Variants in SSRP1 observed in about 807,000 individuals in gnomAD.
SSRP1 encodes structure specific recognition protein 1.
SSRP1 carries 21 observed loss-of-function variants against 84.4 expected under a neutral mutation model. The observed-to-expected ratio is 0.25, with a 90% confidence interval of 0.18 to 0.36. The LOEUF is 0.36. Among genes scored for constraint, SSRP1 ranks in the 10% least tolerant of loss-of-function variants. The probability of loss-of-function intolerance (pLI) is 1.00; values close to 1 mark genes in which losing one functional copy is unlikely to be tolerated. For synonymous variants in SSRP1, 319 were observed against 318.3 expected (o/e 1.00, Z -0.02); for missense variants, 519 against 900.8 (o/e 0.58, Z 5.43).
At chr11:57,327,368 T>TA (rs879223950) in intron 15 of SSRP1, 58 bp downstream of exon 15, 21,442 of 1,261,212 alleles carry the variant, frequency 0.017, 30 homozygotes, top group African/African-American at 0.046. Context: ...TTCGGCCTGT[T>TA]AAAAAAAAAA....
In SSRP1 at chr11:57,332,022, G is replaced by T; in HGVS notation, c.1001+130C>A. On this transcript the variant is annotated intron_variant, in intron 8 of 16. Transcript: ENST00000278412. This position sits in a 1 kb window ranked among gnomAD's most constrained non-coding sequence, Gnocchi z 5.5. ...CTGAGCTGTTCTGACAGAGGCGCTG[G>T]CACCTATTGTGACACAAGGTCCCAT... The T allele has an allele frequency of 6.5e-7, 1 of 1,529,506 alleles. No individual in the cohort carries two copies. The allele number at this position is 1,529,506 out of a possible 1,614,324, so 94.7% of individuals were successfully genotyped here. A position where few individuals can be genotyped will look rare whatever the true frequency, so the allele number is the denominator to read the frequency against.
chr11:57,327,168 A>G (rs1396812426), intron 15 of SSRP1: 2 of 659,708 alleles, frequency 3.0e-6, no homozygotes, highest in East Asian at 2.7e-5. Flanking sequence ...ACTGCACTCC[A>G]TAATAGTATT....
chr11:57,330,539 G>A lies in SSRP1; in HGVS notation c.1297-110C>T. The A allele has an allele frequency of 6.6e-7, 1 of 1,511,766 alleles. No homozygotes were observed. Among genetic ancestry groups the A allele is most frequent in the Non-Finnish European group, 8.9e-7 (1 of 1,129,114 alleles). The allele number at this position is 1,511,766 out of a possible 1,614,324, so 93.6% of individuals were successfully genotyped here. On this transcript the variant is annotated intron_variant, in intron 10 of 16. Transcript: ENST00000278412. This position sits in a 1 kb window ranked among gnomAD's most constrained non-coding sequence, Gnocchi z 4.0. Reference sequence around the variant, plus strand: ...CAAGTCAGAGCAGCAGCTCCCAGAAGACCTGGGGCTGGATTGTCCACACAC... The same window carrying A: ...CAAGTCAGAGCAGCAGCTCCCAGAAAACCTGGGGCTGGATTGTCCACACAC...
chr11:57,328,558 A>T, intron 12 of SSRP1, 132 bp from the exon 13 acceptor site: 1 of 1,289,068 alleles, frequency 7.8e-7, no homozygotes, highest in Non-Finnish European at 1.0e-6. Flanking sequence ...GACAGTATCC[A>T]CCACCAATCC....
intron 12 of SSRP1, chr11:57,329,643 C>A: frequency 5.3e-6 from 1 of 190,378 alleles, no homozygotes; most frequent in Non-Finnish European, 1.1e-5. Flanking sequence ...TATGAAATTC[C>A]CTTTTATATG....
chr11:57,327,258 G>GT, intron 15 of SSRP1, 168 bp downstream of exon 15: 1 of 744,116 alleles, frequency 1.3e-6, no homozygotes, highest in Non-Finnish European at 2.3e-6. Flanking sequence ...ATGCCCTATT[G>GT]TGTCACCCAT....
At position 57,335,090 on chromosome 11, in the gene SSRP1, T is replaced by C. The variant is rs373402679; in HGVS notation, c.32A>G (p.Tyr11Cys). ...CACCATGGAACCTTTCACCTCCTGA[T>C]AGACGTCGTTGAACTCCAGTGTCTC... is the stretch of plus-strand genomic sequence containing the variant. MAETLEFNDV[Y>C]QEVKGSMNDG... The change falls in exon 2 of 17, where the codon TAT (tyrosine) becomes TGT (cysteine). Residue 11 changes from tyrosine to cysteine, a missense_variant. Transcript: ENST00000278412. The surrounding 1 kb of genome is among the most constrained non-coding windows in gnomAD (Gnocchi z 4.6). 58 of 1,613,980 alleles carry C rather than the reference T, an allele frequency of 3.6e-5. No homozygotes were observed. Among genetic ancestry groups the C allele is most frequent in the Non-Finnish European group, 4.5e-5 (53 of 1,179,986 alleles).
Position 57,327,796 on chromosome 11 carries a change from C to T in SSRP1, c.1698G>A (p.Lys566=). ...TGATGCTGATGCCAGGATGGTCTGA[C>T]TTGATCTTCTCTCGGCTGGCATTGA... ...LWLNASREKI[K]SDHPGISITD... is the part of the protein sequence containing the mutation. The change falls in exon 14 of 17, where the codon AAG becomes AAA. Residue 566 remains lysine (K), a synonymous_variant. Transcript: ENST00000278412. 1.2e-6 allele frequency: 2 copies of T among 1,614,182 alleles called. No individual in the cohort carries two copies. Among genetic ancestry groups the T allele is most frequent in the South Asian group, 2.2e-5 (2 of 91,088 alleles).
chr11:57,333,368 A>G (rs1856135595), intron 4 of SSRP1, 67 bp downstream of exon 4: 5 of 1,416,628 alleles, frequency 3.5e-6, no homozygotes, highest in South Asian at 1.2e-5. Flanking sequence ...AAAGAGCAAA[A>G]CAAGTAAAAG....
chr11:57,326,396 T>C lies in SSRP1; in HGVS notation c.*11A>G, dbSNP rs113388867. On this transcript the variant is annotated 3_prime_UTR_variant, in exon 17 of 17. Coordinates refer to ENST00000278412, the MANE Select transcript of SSRP1 (RefSeq NM_003146.3). Reference sequence around the variant, plus strand: ...TGAGAAGGCAAGCGCAAAGAGAACCTTCCTCCGTTTCTACTCATCGGATCC... The same window carrying C: ...TGAGAAGGCAAGCGCAAAGAGAACCCTCCTCCGTTTCTACTCATCGGATCC... 9.3e-4 allele frequency: 1,500 copies of C among 1,613,914 alleles called. 5 individuals carry two copies. The highest frequency in any genetic ancestry group is 1.1e-3 in the Non-Finnish European group (1,355 of 1,179,904).
chr11:57,326,217 G>A lies in SSRP1; in HGVS notation c.*190C>T, dbSNP rs1489188086. The A allele has an allele frequency of 9.8e-6, 6 of 612,868 alleles. No homozygotes were observed. In the Middle Eastern group the frequency reaches 8.9e-4, roughly 91 times the overall value. 38.0% of individuals were successfully genotyped at this position (612,868 alleles called of 1,614,324 possible). ...CCTATCTCTCCCCAAATTATAAACA[G>A]CCATCCTTGGGAAGCAGCAGAGTTA... On this transcript the variant is annotated 3_prime_UTR_variant, in exon 17 of 17. Transcript: ENST00000278412.
chr11:57,335,305 C>G lies in SSRP1; in HGVS notation c.-119-65G>C. Reference sequence around the variant, plus strand: ...ACCTCGCTGTGCTCACGGATGGAGCCAGGTAGCAACTCCCAGCTGCGCCTG... The same window carrying G: ...ACCTCGCTGTGCTCACGGATGGAGCGAGGTAGCAACTCCCAGCTGCGCCTG... On this transcript the variant is annotated intron_variant, in intron 1 of 16. Coordinates refer to ENST00000278412, the MANE Select transcript of SSRP1 (RefSeq NM_003146.3). This position sits in a 1 kb window ranked among gnomAD's most constrained non-coding sequence, Gnocchi z 4.6. 2 of 631,772 alleles carry G rather than the reference C, an allele frequency of 3.2e-6. No individual in the cohort carries two copies. Among genetic ancestry groups the G allele is most frequent in the Non-Finnish European group, 5.7e-6 (2 of 350,796 alleles). The allele number at this position is 631,772 out of a possible 1,614,324, so 39.1% of individuals were successfully genotyped here.
intron 12 of SSRP1, chr11:57,329,523 T>TG (rs1399880060): frequency 1.9e-5 from 3 of 160,976 alleles, no homozygotes; most frequent in Admixed American, 5.8e-5. Flanking sequence ...GGGCACCCCA[T>TG]GGGGTAAACC....
intron 2 of SSRP1, 143 bp from the exon 3 acceptor site, chr11:57,334,791 C>CTGGTT: frequency 2.9e-6 from 3 of 1,033,206 alleles, no homozygotes; most frequent in Non-Finnish European, 4.2e-6. Flanking sequence ...GCCAAGGAGT[C>CTGGTT]TAGATTCTAA....
chr11:57,332,412 C>G lies in SSRP1; in HGVS notation c.843G>C (p.Glu281Asp). ...HFLILLFSKD[E>D]DISLTLNMNE... ...TCATGTTCAGAGTCAACGAAATGTC[C>G]TCGTCCTTGGAGAAGAGGAGGATCA... Residue 281 changes from glutamate to aspartate, a missense_variant, in exon 7 of 17, where the codon GAG becomes GAC. Around this residue, in one of 7 missense-constraint regions of SSRP1, gnomAD observed 159 missense variants for 359.0 expected, o/e 0.44. Coordinates refer to ENST00000278412, the MANE Select transcript of SSRP1 (RefSeq NM_003146.3). The surrounding 1 kb of genome is among the most constrained non-coding windows in gnomAD (Gnocchi z 5.5). The G allele has an allele frequency of 1.2e-6, 2 of 1,614,132 alleles. No individual in the cohort carries two copies. The highest frequency in any genetic ancestry group is 1.7e-6 in the Non-Finnish European group (2 of 1,180,030).
intron 15 of SSRP1, 80 bp downstream of exon 15, chr11:57,327,346 C>T: frequency 7.0e-7 from 1 of 1,419,426 alleles, no homozygotes; most frequent in African/African-American, 1.4e-5. Context: ...CTTTAACTTT[C>T]CAATGCTCAA....
Position 57,335,242 on chromosome 11 carries a change from T to C in SSRP1, c.-119-2A>G. 1.0e-6 allele frequency: 1 copy of C among 998,278 alleles called. No individual in the cohort carries two copies. Among genetic ancestry groups the C allele is most frequent in the Non-Finnish European group, 1.6e-6 (1 of 629,970 alleles). 61.8% of individuals were successfully genotyped at this position (998,278 alleles called of 1,614,324 possible). A position where few individuals can be genotyped will look rare whatever the true frequency, so the allele number is the denominator to read the frequency against. ...GCGGATGCTCAGCAGGTTGGGAATC[T>C]GAATTCAAGAGGAAGACAGATAAGC... is the stretch of plus-strand genomic sequence containing the variant. On this transcript the variant is annotated splice_acceptor_variant, in intron 1 of 16. Coordinates refer to ENST00000278412, the MANE Select transcript of SSRP1 (RefSeq NM_003146.3). LOFTEE classifies it low-confidence loss of function (5UTR_SPLICE). This position sits in a 1 kb window ranked among gnomAD's most constrained non-coding sequence, Gnocchi z 4.6.
Position 57,327,506 on chromosome 11 carries a change from A to T in SSRP1, c.1791T>A (p.Asp597Glu). ...GMSKEKKEEW[D>E]RKAEDARRDY... ...CCCTCCTGGCATCCTCAGCCTTGCG[A>T]TCCCACTCCTGTCTCACACACAGAA... The change falls in exon 15 of 17, where the codon GAT becomes GAA. Residue 597 changes from aspartate to glutamate, a missense_variant. Asp to Glu is a conservative substitution (Grantham distance 45). Transcript: ENST00000278412. 1 of 1,613,904 alleles carries T rather than the reference A, an allele frequency of 6.2e-7. No individual in the cohort carries two copies. Among genetic ancestry groups the T allele is most frequent in the Middle Eastern group, 1.7e-4 (1 of 6,060 alleles).
In SSRP1 at chr11:57,335,509, C is replaced by A. The variant is rs1590614345; in HGVS notation, c.-120+221G>T. On this transcript the variant is annotated intron_variant, in intron 1 of 16. Coordinates refer to ENST00000278412, the MANE Select transcript of SSRP1 (RefSeq NM_003146.3). This position sits in a 1 kb window ranked among gnomAD's most constrained non-coding sequence, Gnocchi z 4.6. ...CGAGCAGCGGAACCCCAGGGTCTGC[C>A]AGGAGCCCGCACATCGCACGCGACC... 3.3e-6 allele frequency: 1 copy of A among 299,064 alleles called. No homozygotes were observed. Among genetic ancestry groups the A allele is most frequent in the Admixed American group, 4.3e-5 (1 of 23,340 alleles). 18.5% of individuals were successfully genotyped at this position (299,064 alleles called of 1,614,324 possible). A position where few individuals can be genotyped will look rare whatever the true frequency, so the allele number is the denominator to read the frequency against.
Sources: gnomAD v4.1 joint callset for allele counts on GRCh38, gnomAD v4.1.1 for gene constraint, gnomAD v4.1.1 regional missense constraint, Gnocchi (gnomAD v3.1) non-coding constraint, MANE v1.5 for transcripts, NCBI Gene and HGNC (gene_info 2026-07-23, HGNC 2026-07-21) for gene names.